ADK: variants seen among roughly 807,000 people sequenced by gnomAD.
ADK encodes the protein adenosine kinase, also known as N6,N6-dimethyladenosine kinase.
A neutral mutation model predicts 44.7 loss-of-function variants in ADK; 24 were observed. The ratio of observed to expected loss-of-function variants is 0.54; its 90% CI spans 0.39 to 0.76. The LOEUF (loss-of-function observed/expected upper bound fraction) is 0.76. Among genes scored for constraint, ADK ranks in the 30% least tolerant of loss-of-function variants. The pLI is 0.00. For synonymous variants in ADK, 128 were observed against 142.6 expected, an observed-to-expected ratio of 0.90 and a Z score of 0.73; for missense variants, 321 against 425.1, an observed-to-expected ratio of 0.76 and a Z score of 2.15.
chr10:74,446,476 G>T lies in ADK; in HGVS notation c.555+47897G>T, dbSNP rs546946043. 1.6e-4 allele frequency among the ~76,000 whole-genome samples: 25 copies of T among 152,286 alleles called. No individual in the cohort carries two copies. In the East Asian group the frequency reaches 4.4e-3, roughly 27 times the overall value. Reference sequence around the variant, plus strand: ...AGTGAGAGACGACGATAGGAAAGAAGATAGGATGGGGTCAGAAGAACCTTA... The same window carrying T: ...AGTGAGAGACGACGATAGGAAAGAATATAGGATGGGGTCAGAAGAACCTTA... On this transcript the variant is annotated intron_variant, in intron 6 of 10. Transcript: ENST00000539909.
intron 3 of ADK, among the ~76,000 whole-genome samples, chr10:74,314,134 T>C (rs1309455342): frequency 1.3e-5 from 2 of 152,086 alleles, no homozygotes; most frequent in Non-Finnish European, 2.9e-5. Context: ...TTTAGTAAGA[T>C]GTGGAAGAGG....
chr10:74,406,621 TTCTA>T (rs1843944666), intron 6 of ADK, among the ~76,000 whole-genome samples: 1 of 151,762 alleles, frequency 6.6e-6, no homozygotes, highest in Non-Finnish European at 1.5e-5. Flanking sequence ...ATTTTTGTTT[TTCTA>T]TCTGTTCTTC....
chr10:74,195,702 T>C (rs34428151), intron 1 of ADK, among the ~76,000 whole-genome samples: 8 of 97,054 alleles, frequency 8.2e-5, no homozygotes, highest in African/African-American at 3.1e-4. Context: ...CTTTTTCTTT[T>C]CTTTCTTTTT....
chr10:74,348,428 A>T (rs1220975746), intron 4 of ADK, among the ~76,000 whole-genome samples: 3 of 152,116 alleles, frequency 2.0e-5, no homozygotes, highest in African/African-American at 7.2e-5. Flanking sequence ...ACCCCATCCA[A>T]AGGTCATCAG....
chr10:74,705,772 G>T (rs1268346004), intron 10 of ADK, among the ~76,000 whole-genome samples: 1 of 152,194 alleles, frequency 6.6e-6, no homozygotes, highest in African/African-American at 2.4e-5. Flanking sequence ...GAGAGTTCCA[G>T]TTGATCACAC....
chr10:74,198,157 G>C (rs1591839077), intron 1 of ADK, among the ~76,000 whole-genome samples: 1 of 145,972 alleles, frequency 6.9e-6, no homozygotes, highest in African/African-American at 2.7e-5. Context: ...AGGAGTTTTT[G>C]TTTGAATAAG....
chr10:74,658,597 G>A (rs1490642205), intron 9 of ADK, among the ~76,000 whole-genome samples: 2 of 151,864 alleles, frequency 1.3e-5, no homozygotes, highest in Non-Finnish European at 2.9e-5. Context: ...CCCCATGCCC[G>A]GCTGGCTTTT....
chr10:74,188,843 G>A (rs931788570), intron 1 of ADK, among the ~76,000 whole-genome samples: 1 of 152,060 alleles, frequency 6.6e-6, no homozygotes, highest in African/African-American at 2.4e-5. Flanking sequence ...TACGATCTTC[G>A]TTTACTGCAA....
intron 1 of ADK, among the ~76,000 whole-genome samples, chr10:74,178,373 G>A (rs1339801706): frequency 6.6e-6 from 1 of 152,174 alleles, no homozygotes; most frequent in Non-Finnish European, 1.5e-5. Context: ...TATAAATCTA[G>A]CTTTTAAAGC....
At position 74,350,650 on chromosome 10, in the gene ADK, C is replaced by T. The variant is rs370368315; in HGVS notation, c.273+35905C>T. ...GAGGTGGTTTTTTGAAAAGATTAAC[C>T]AAATAGATAGACTACTAGCTAGACT... is the stretch of plus-strand genomic sequence containing the variant. On this transcript the variant is annotated intron_variant, in intron 4 of 10. Coordinates refer to ENST00000539909, the MANE Select transcript of ADK (RefSeq NM_006721.4). Among the ~76,000 whole-genome samples the T allele has an allele frequency of 6.1e-4, 92 of 151,648 alleles. No individual in the cohort carries two copies. The South Asian group carries it at 9.8e-3, about 16-fold the overall frequency.
At chr10:74,644,653 G>A (rs1853994956) in intron 9 of ADK, among the ~76,000 whole-genome samples, 1 of 152,096 alleles carries the variant, frequency 6.6e-6, no homozygotes, top group African/African-American at 2.4e-5. Context: ...CCCGCCTCAG[G>A]CTCCTGAGTA....
chr10:74,362,171 C>G (rs1161175024), intron 4 of ADK, among the ~76,000 whole-genome samples: 1 of 152,092 alleles, frequency 6.6e-6, no homozygotes, highest in East Asian at 1.9e-4. Context: ...CTTTGTCTTT[C>G]TCAGTCCTTC....
At chr10:74,556,836 G>T (rs529335701) in intron 7 of ADK, among the ~76,000 whole-genome samples, 1 of 152,272 alleles carries the variant, frequency 6.6e-6, no homozygotes, top group East Asian at 1.9e-4. Flanking sequence ...AAGGACTTCA[G>T]ATTTCAGTGC....
intron 9 of ADK, among the ~76,000 whole-genome samples, chr10:74,640,807 C>T (rs1410872503): frequency 6.6e-6 from 1 of 152,202 alleles, no homozygotes; most frequent in Non-Finnish European, 1.5e-5. Flanking sequence ...CATATTTTAA[C>T]AAGCCCAGGT....
At chr10:74,646,648 A>G (rs1854064451) in intron 9 of ADK, among the ~76,000 whole-genome samples, 1 of 152,118 alleles carries the variant, frequency 6.6e-6, no homozygotes, top group Non-Finnish European at 1.5e-5. Context: ...ATGCCACACT[A>G]CTCCTAATTA....
intron 8 of ADK, among the ~76,000 whole-genome samples, chr10:74,594,137 G>A (rs1851812662): frequency 1.3e-5 from 2 of 148,364 alleles, no homozygotes; most frequent in African/African-American, 4.9e-5. Flanking sequence ...ATTGAACAAT[G>A]AGAACACATG....
At chr10:74,464,888 T>C (rs1021698285) in intron 6 of ADK, among the ~76,000 whole-genome samples, 4 of 151,942 alleles carry the variant, frequency 2.6e-5, no homozygotes, top group Non-Finnish European at 5.9e-5. Context: ...CTTTTTGAAA[T>C]GCACTTAATG....
At chr10:74,691,575 G>A (rs2134266628) in intron 10 of ADK, among the ~76,000 whole-genome samples, 1 of 152,274 alleles carries the variant, frequency 6.6e-6, no homozygotes, top group South Asian at 2.1e-4. Flanking sequence ...TGGTTAATTA[G>A]ATCATTGCAC....
At chr10:74,205,835 A>AG (rs1486064186) in intron 2 of ADK, among the ~76,000 whole-genome samples, 1 of 152,182 alleles carries the variant, frequency 6.6e-6, no homozygotes, top group African/African-American at 2.4e-5. Context: ...AATAACTTAA[A>AG]GCAACCTAGG....
Sources: gnomAD v4.1 joint callset for allele counts (sites outside exome capture counted in the v4.1 genomes callset) on GRCh38, gnomAD v4.1.1 for gene constraint, MANE v1.5 for transcripts, NCBI Gene and HGNC (gene_info 2026-07-23, HGNC 2026-07-21) for gene names.